RHBDL2: variants seen among roughly 807,000 people sequenced by gnomAD.
RHBDL2 encodes rhomboid like 2, also known as rhomboid-related protein 2.
Under a neutral mutation model 31.7 loss-of-function variants are expected in RHBDL2, and 26 were observed. The ratio of observed to expected loss-of-function variants is 0.82; its 90% CI spans 0.60 to 1.14. The LOEUF is 1.14. RHBDL2 is among the 50% of genes most tolerant of loss of function. The probability of loss-of-function intolerance (pLI) is 0.00; values close to 1 mark genes in which losing one functional copy is unlikely to be tolerated. For synonymous variants in RHBDL2, 123 were observed against 127.2 expected, an observed-to-expected ratio of 0.97 and a Z score of 0.22; for missense variants, 336 against 364.4, an observed-to-expected ratio of 0.92 and a Z score of 0.63.
chr1:38,902,745 G>A (rs1283827195), intron 4 of RHBDL2, among the ~76,000 whole-genome samples: 3 of 151,696 alleles, frequency 2.0e-5, no homozygotes, highest in Non-Finnish European at 2.9e-5. Flanking sequence ...TAAAGATGGG[G>A]TTTAACCATG....
chr1:38,915,513 C>G, intron 3 of RHBDL2, 49 bp downstream of exon 3: 1 of 1,582,036 alleles, frequency 6.3e-7, no homozygotes, highest in Non-Finnish European at 8.6e-7. Context: ...TTAGAGGTTA[C>G]AATGATATAA....
chr1:38,912,473 C>G (rs180759935), intron 3 of RHBDL2, among the ~76,000 whole-genome samples: 1 of 151,498 alleles, frequency 6.6e-6, no homozygotes, highest in East Asian at 1.9e-4. Context: ...GTCTCGATTT[C>G]GACTCACTAC....
chr1:38,890,879 A>C (rs1642845111), intron 6 of RHBDL2, among the ~76,000 whole-genome samples: 1 of 152,128 alleles, frequency 6.6e-6, no homozygotes. Context: ...TTTTTTGTAG[A>C]GACAGAGTCT....
At position 38,896,101 on chromosome 1, in the gene RHBDL2, G is replaced by A. The variant is rs759127062; in HGVS notation, c.509-32C>T. Reference sequence around the variant, plus strand: ...AAATAAAACACAAAGGATCAGACATGACTATACGGATCAGGAAAGATAAAT... The same window carrying A: ...AAATAAAACACAAAGGATCAGACATAACTATACGGATCAGGAAAGATAAAT... On this transcript the variant is annotated intron_variant, in intron 4 of 7. Transcript: ENST00000372990. 8 of 1,445,138 alleles carry A rather than the reference G, an allele frequency of 5.5e-6. No homozygotes were observed. The South Asian group carries it at 8.1e-5, about 15-fold the overall frequency. The allele number at this position is 1,445,138 out of a possible 1,614,324, so 89.5% of individuals were successfully genotyped here.
chr1:38,914,240 A>T (rs1643198343), intron 3 of RHBDL2, among the ~76,000 whole-genome samples: 1 of 151,658 alleles, frequency 6.6e-6, no homozygotes, highest in South Asian at 2.1e-4. Context: ...CATGAACTAA[A>T]TTTATTTTAT....
intron 4 of RHBDL2, among the ~76,000 whole-genome samples, chr1:38,910,680 T>C (rs1643126610): frequency 6.6e-6 from 1 of 152,134 alleles, no homozygotes. Flanking sequence ...AGGGCCTCCA[T>C]GATCTGGCTT....
intron 4 of RHBDL2, among the ~76,000 whole-genome samples, chr1:38,910,929 C>CATATAGGGGTGAG (rs1557614676): frequency 6.6e-6 from 1 of 151,750 alleles, no homozygotes; most frequent in Non-Finnish European, 1.5e-5. Context: ...TAGGGGTGAG[C>CATATAGGGGTGAG]CACCACCCCC....
chr1:38,893,646 A>G (rs1642880412), intron 5 of RHBDL2, among the ~76,000 whole-genome samples: 1 of 151,752 alleles, frequency 6.6e-6, no homozygotes, highest in South Asian at 2.1e-4. Context: ...AGATTTGAGT[A>G]TTACCTTAAT....
intron 6 of RHBDL2, among the ~76,000 whole-genome samples, chr1:38,889,234 C>G (rs576803409): frequency 6.6e-6 from 1 of 152,112 alleles, no homozygotes; most frequent in South Asian, 2.1e-4. Context: ...GCTGGGATTA[C>G]AGACATGTGC....
intron 3 of RHBDL2, among the ~76,000 whole-genome samples, chr1:38,912,531 C>T (rs1431779666): frequency 6.6e-6 from 1 of 152,022 alleles, no homozygotes; most frequent in African/African-American, 2.4e-5. Flanking sequence ...CCACCTCAGC[C>T]TCCCCAGCAG....
At chr1:38,925,799 A>G (rs943432533) in intron 1 of RHBDL2, among the ~76,000 whole-genome samples, 17 of 152,250 alleles carry the variant, frequency 1.1e-4, no homozygotes, top group Non-Finnish European at 2.5e-4. Flanking sequence ...CAAACAAGAA[A>G]CAAATATTTT....
intron 1 of RHBDL2, among the ~76,000 whole-genome samples, chr1:38,929,022 A>G (rs1291216778): frequency 6.6e-6 from 1 of 152,122 alleles, no homozygotes; most frequent in African/African-American, 2.4e-5. Context: ...AGTGAGCTAC[A>G]ATGGTGCCAC....
At position 38,915,502 on chromosome 1, in the gene RHBDL2, G is replaced by A. The variant is rs934275089; in HGVS notation, c.395+60C>T. 3.9e-6 allele frequency: 6 copies of A among 1,546,266 alleles called. No individual in the cohort carries two copies. The African/African-American group carries it at 5.5e-5, about 14-fold the overall frequency. ...ATCAATAATAAAGCACTCAACAAAT[G>A]TTAGAGGTTACAATGATATAATCAC... On this transcript the variant is annotated intron_variant, in intron 3 of 7. Transcript: ENST00000372990.
intron 7 of RHBDL2, among the ~76,000 whole-genome samples, 195 bp from the exon 8 acceptor site, chr1:38,886,878 A>G (rs1412817397): frequency 6.6e-6 from 1 of 152,242 alleles, no homozygotes; most frequent in Non-Finnish European, 1.5e-5. Context: ...TGAAAGATAC[A>G]AAGCTTAAAA....
chr1:38,903,089 A>T (rs1331780304), intron 4 of RHBDL2, among the ~76,000 whole-genome samples: 3 of 152,204 alleles, frequency 2.0e-5, no homozygotes, highest in East Asian at 1.9e-4. Flanking sequence ...CTATATACAA[A>T]ATATACCAAA....
At chr1:38,907,763 G>C (rs1314125295) in intron 4 of RHBDL2, among the ~76,000 whole-genome samples, 1 of 152,040 alleles carries the variant, frequency 6.6e-6, no homozygotes. Context: ...ACAAATAAAT[G>C]TAAAGCATAA....
chr1:38,900,030 G>C (rs960514408), intron 4 of RHBDL2, among the ~76,000 whole-genome samples: 12 of 152,226 alleles, frequency 7.9e-5, no homozygotes, highest in African/African-American at 2.9e-4. Context: ...AATGCTCAGA[G>C]TACACAAAAG....
rs115965301 is a variant in RHBDL2, at chr1:38,915,407, G to A, written c.395+155C>T. On this transcript the variant is annotated intron_variant, in intron 3 of 7. Transcript: ENST00000372990. ...CCATGACTACATCTCCTATGCCTCA[G>A]ACATAAAACAGTGGGAGCAATACCT... is the stretch of plus-strand genomic sequence containing the variant. 6.0e-3 allele frequency: 4,126 copies of A among 692,328 alleles called. 120 individuals carry two copies. The African/African-American group carries it at 0.066, about 11-fold the overall frequency. The allele number at this position is 692,328 out of a possible 1,614,324, so 42.9% of individuals were successfully genotyped here. A position where few individuals can be genotyped will look rare whatever the true frequency, so the allele number is the denominator to read the frequency against.
At chr1:38,918,030 C>T (rs1643261587) in intron 2 of RHBDL2, among the ~76,000 whole-genome samples, 1 of 152,228 alleles carries the variant, frequency 6.6e-6, no homozygotes, top group Non-Finnish European at 1.5e-5. Flanking sequence ...CAGCAGAACT[C>T]TACCTTTGGA....
Sources: gnomAD v4.1 joint callset for allele counts (sites outside exome capture counted in the v4.1 genomes callset) on GRCh38, gnomAD v4.1.1 for gene constraint, MANE v1.5 for transcripts, NCBI Gene and HGNC (gene_info 2026-07-23, HGNC 2026-07-21) for gene names.